The following FUT8 variants were observed in gnomAD, a reference collection of about 807,000 sequenced individuals.
FUT8 encodes alpha-(1,6)-fucosyltransferase.
FUT8 carries 29 observed loss-of-function variants against 71.3 expected under a neutral mutation model. The ratio of observed to expected loss-of-function variants is 0.41; its 90% CI spans 0.30 to 0.55. The LOEUF is 0.55. FUT8 is among the 20% of genes least tolerant of loss of function. The pLI, the probability that FUT8 is intolerant of heterozygous loss-of-function variation, is 0.34. For missense variants in FUT8, 544 were observed against 702.1 expected (o/e 0.77, Z 2.55); for synonymous variants, 254 against 239.3 (o/e 1.06, Z -0.57).
intron 2 of FUT8, among the ~76,000 whole-genome samples, chr14:65,466,263 A>G (rs2066043074): frequency 6.6e-6 from 1 of 152,130 alleles, no homozygotes; most frequent in African/African-American, 2.4e-5. Context: ...GTGTATTTAG[A>G]CCACAGATGT....
chr14:65,394,805 G>T, the FUT8 span, among the ~76,000 whole-genome samples: 1 of 149,530 alleles, frequency 6.7e-6, no homozygotes, highest in East Asian at 2.0e-4. Context: ...GAGTGCAGCG[G>T]CATGATCTTA....
intron 2 of FUT8, chr14:65,457,938 T>G (rs2065915939): frequency 6.6e-6 from 1 of 151,942 alleles, no homozygotes; most frequent in African/African-American, 2.4e-5. Context: ...ATCCCAGCAC[T>G]TTGGGAGGCC....
At chr14:65,369,184 C>T in the FUT8 span, among the ~76,000 whole-genome samples, 1 of 152,014 alleles carries the variant, frequency 6.6e-6, no homozygotes, top group South Asian at 2.1e-4. This position sits in a 1 kb window ranked among gnomAD's most constrained non-coding sequence, Gnocchi z 4.6. Flanking sequence ...GGCAGTTAAG[C>T]CTTACAGATT....
intron 2 of FUT8, among the ~76,000 whole-genome samples, chr14:65,477,076 C>G (rs2066257751): frequency 6.6e-6 from 1 of 152,100 alleles, no homozygotes; most frequent in Admixed American, 6.6e-5. Context: ...CTGAGTATTT[C>G]TGTGGACAGT....
intron 2 of FUT8, among the ~76,000 whole-genome samples, chr14:65,541,384 G>T (rs574277845): frequency 6.6e-6 from 1 of 152,334 alleles, no homozygotes; most frequent in South Asian, 2.1e-4. Context: ...GTGTGAATTA[G>T]TCCAAGCTCA....
chr14:65,543,771 A>G (rs901042828), intron 2 of FUT8, among the ~76,000 whole-genome samples: 2 of 152,108 alleles, frequency 1.3e-5, no homozygotes, highest in African/African-American at 4.8e-5. Context: ...TTCAGGGGAG[A>G]TGACTGTCAG....
intron 6 of FUT8, among the ~76,000 whole-genome samples, chr14:65,639,523 C>T (rs1482325038): frequency 6.6e-6 from 1 of 151,862 alleles, no homozygotes; most frequent in Non-Finnish European, 1.5e-5. Context: ...CACACACACA[C>T]ACACACACAC....
At chr14:65,661,999 AGTATT>A (rs1891991664) in intron 6 of FUT8, among the ~76,000 whole-genome samples, 1 of 152,188 alleles carries the variant, frequency 6.6e-6, no homozygotes, top group Admixed American at 6.5e-5. Context: ...TATTGATTCA[AGTATT>A]GTTCCTAATT....
intron 7 of FUT8, among the ~76,000 whole-genome samples, chr14:65,682,925 TTAAA>T (rs1893104016): frequency 6.6e-6 from 1 of 152,234 alleles, no homozygotes; most frequent in Non-Finnish European, 1.5e-5. Context: ...AGTGCTTTAG[TTAAA>T]TAAACCTTGC....
chr14:65,742,203 A>G lies in FUT8; in HGVS notation c.1521A>G (p.Gln507=), dbSNP rs146960107. The G allele has an allele frequency of 2.1e-5, 34 of 1,613,058 alleles. No individual in the cohort carries two copies. The highest frequency in any genetic ancestry group is 8.0e-5 in the African/African-American group (6 of 74,814). Reference sequence around the variant, plus strand: ...TTGGGGGCCAGAATGCCCACAATCAAATTGCCATTTATGCTCACCAACCCC... The same window carrying G: ...TTGGGGGCCAGAATGCCCACAATCAGATTGCCATTTATGCTCACCAACCCC... ...YYFGGQNAHN[Q]IAIYAHQPRT... Residue 507 remains glutamine, a synonymous_variant, in exon 11 of 11, where the codon CAA becomes CAG. Coordinates refer to ENST00000673929, the MANE Select transcript of FUT8 (RefSeq NM_001371533.1).
At chr14:65,388,220 G>A in the FUT8 span, among the ~76,000 whole-genome samples, 1 of 152,164 alleles carries the variant, frequency 6.6e-6, no homozygotes, top group African/African-American at 2.4e-5. Flanking sequence ...TAAAGAAGGA[G>A]TCTTTAGTTA....
chr14:65,716,074 T>C (rs1411753562), intron 7 of FUT8, among the ~76,000 whole-genome samples: 1 of 152,198 alleles, frequency 6.6e-6, no homozygotes, highest in African/African-American at 2.4e-5. Flanking sequence ...ATACTATCCA[T>C]GTGCTGAGGA....
intron 2 of FUT8, among the ~76,000 whole-genome samples, chr14:65,526,504 G>A (rs1883480617): frequency 6.6e-6 from 1 of 152,160 alleles, no homozygotes; most frequent in South Asian, 2.1e-4. Flanking sequence ...GATGGGTCTT[G>A]ACTCTTTATC....
intron 6 of FUT8, among the ~76,000 whole-genome samples, chr14:65,635,465 G>T (rs1044859731): frequency 3.3e-5 from 5 of 152,118 alleles, no homozygotes; most frequent in Non-Finnish European, 7.4e-5. Context: ...TATTATGTTG[G>T]CTGTGGGTTT....
Position 65,447,207 on chromosome 14 carries a change from G to T in FUT8, c.-325-8414G>T, listed in dbSNP as rs183695997. On this transcript the variant is annotated intron_variant, in intron 1 of 10. Transcript: ENST00000673929. ...TGCTTAGGAGGCTGAGGCAGAAGTC[G>T]CTTGCTCCTGGGAGGCAGAGGCTGT... is the stretch of plus-strand genomic sequence containing the variant. 1.4e-3 allele frequency among the ~76,000 whole-genome samples: 215 copies of T among 150,966 alleles called. 2 individuals carry two copies. Among genetic ancestry groups the T allele is most frequent in the Admixed American group, 0.011 (170 of 15,148 alleles).
chr14:65,549,179 G>A (rs1486484681), intron 2 of FUT8, among the ~76,000 whole-genome samples: 2 of 152,082 alleles, frequency 1.3e-5, no homozygotes, highest in Admixed American at 6.6e-5. Context: ...GCATTTTCTT[G>A]TAAACATACA....
intron 3 of FUT8, among the ~76,000 whole-genome samples, chr14:65,572,773 C>T (rs977401141): frequency 6.6e-5 from 10 of 152,042 alleles, no homozygotes; most frequent in Non-Finnish European, 1.5e-4. Flanking sequence ...CATGTATGCA[C>T]ATAACAACAA....
At chr14:65,518,331 T>C (rs1051919151) in intron 2 of FUT8, among the ~76,000 whole-genome samples, 9 of 152,174 alleles carry the variant, frequency 5.9e-5, no homozygotes, top group Non-Finnish European at 1.0e-4. Flanking sequence ...AGTATTTTTT[T>C]CCTCCATGTT....
rs1163921276 is a variant in FUT8, at chr14:65,669,106, A to G, written c.598-137A>G. 1.5e-6 allele frequency: 1 copy of G among 649,268 alleles called. No homozygotes were observed. Among genetic ancestry groups the G allele is most frequent in the Non-Finnish European group, 2.6e-6 (1 of 381,394 alleles). The allele number at this position is 649,268 out of a possible 1,614,324, so 40.2% of individuals were successfully genotyped here. On this transcript the variant is annotated intron_variant, in intron 6 of 10. Coordinates refer to ENST00000673929, the MANE Select transcript of FUT8 (RefSeq NM_001371533.1). This position sits in a 1 kb window ranked among gnomAD's most constrained non-coding sequence, Gnocchi z 4.5. ...ATGCTGATTACTTGGGGTGTATACC[A>G]AACCCCACGACACACAATTTATCTA...
Sources: allele counts gnomAD v4.1 joint callset (sites outside exome capture counted in the v4.1 genomes callset), GRCh38; gene constraint gnomAD v4.1.1; non-coding constraint Gnocchi (gnomAD v3.1); transcripts MANE v1.5; gene names NCBI Gene and HGNC (gene_info 2026-07-23, HGNC 2026-07-21).